The following CFAP206 variants were observed in gnomAD, a reference collection of about 807,000 sequenced individuals.
CFAP206 encodes the protein cilia- and flagella-associated protein 206.
Under a neutral mutation model 65.4 loss-of-function variants are expected in CFAP206, and 53 were observed. The ratio of observed to expected loss-of-function variants is 0.81; its 90% CI spans 0.65 to 1.02. The LOEUF (loss-of-function observed/expected upper bound fraction) is 1.02. CFAP206 is among the 50% of genes least tolerant of loss of function. The pLI is 0.00. For missense variants in CFAP206, 663 were observed against 753.2 expected (o/e 0.88, Z 1.40); for synonymous variants, 250 against 254.4 (o/e 0.98, Z 0.17).
intron 8 of CFAP206, among the ~76,000 whole-genome samples, chr6:87,427,982 C>CTTTTT (rs10693817): frequency 3.2e-5 from 3 of 93,904 alleles, no homozygotes; most frequent in East Asian, 2.9e-4. Flanking sequence ...CTCCACCCTC[C>CTTTTT]TTTTTTTTTT....
At chr6:87,444,333 A>G (rs533630640) in intron 11 of CFAP206, 4 of 216,802 alleles carry the variant, frequency 1.8e-5, no homozygotes, top group Non-Finnish European at 2.9e-5. Flanking sequence ...TATTGTTGCA[A>G]CATGCATTAG....
intron 11 of CFAP206, among the ~76,000 whole-genome samples, chr6:87,456,109 C>T (rs1252044059): frequency 6.6e-6 from 1 of 152,044 alleles, no homozygotes; most frequent in Non-Finnish European, 1.5e-5. Context: ...AAATCCTTAA[C>T]AAAATACTAA....
intron 1 of CFAP206, 75 bp downstream of exon 1, chr6:87,408,164 G>A (rs1428189016): frequency 2.5e-6 from 2 of 790,346 alleles, no homozygotes; most frequent in Non-Finnish European, 1.5e-6. Flanking sequence ...GGCGGCTGGC[G>A]GAGCTCGGGC....
At chr6:87,427,168 C>A (rs759022485) in intron 8 of CFAP206, among the ~76,000 whole-genome samples, 1 of 152,178 alleles carries the variant, frequency 6.6e-6, no homozygotes, top group Non-Finnish European at 1.5e-5. Context: ...GACGGAGTCT[C>A]GCTTTGTCGC....
chr6:87,409,241 C>T (rs67424446), intron 1 of CFAP206, among the ~76,000 whole-genome samples: 44,702 of 140,290 alleles, frequency 0.32, 6,920 homozygotes, highest in African/African-American at 0.4. Context: ...TTTTTTTTTT[C>T]CTGAGACACA....
intron 3 of CFAP206, among the ~76,000 whole-genome samples, chr6:87,412,660 A>G (rs1767755147): frequency 6.6e-6 from 1 of 151,834 alleles, no homozygotes; most frequent in South Asian, 2.1e-4. Flanking sequence ...ATTTAATTTA[A>G]TTATATTTTA....
intron 11 of CFAP206, among the ~76,000 whole-genome samples, chr6:87,442,520 A>G (rs148606366): frequency 2.0e-4 from 31 of 152,330 alleles, no homozygotes; most frequent in African/African-American, 7.5e-4. Context: ...CAACTCTAGT[A>G]TAGTATCAAA....
intron 1 of CFAP206, chr6:87,408,891 A>G (rs12529410): frequency 0.31 from 47,000 of 152,092 alleles, 7,498 homozygotes; most frequent in African/African-American, 0.39. Context: ...AATGCTGAGG[A>G]GTTGGCTTTA....
chr6:87,426,339 A>T (rs927948832), intron 7 of CFAP206, among the ~76,000 whole-genome samples, 187 bp from the exon 8 acceptor site: 1 of 152,208 alleles, frequency 6.6e-6, no homozygotes, highest in Non-Finnish European at 1.5e-5. Context: ...TCCATCTCAC[A>T]AATATCTTGG....
chr6:87,458,624 A>G (rs1768691131), intron 11 of CFAP206, among the ~76,000 whole-genome samples: 1 of 152,122 alleles, frequency 6.6e-6, no homozygotes. Context: ...ACTAATTGAA[A>G]TGGAGATAGC....
chr6:87,417,421 G>A (rs969132359), intron 6 of CFAP206, among the ~76,000 whole-genome samples: 1 of 151,986 alleles, frequency 6.6e-6, no homozygotes, highest in Admixed American at 6.6e-5. Context: ...CACTAATCTA[G>A]TATAAAAGGG....
chr6:87,430,957 T>C (rs1166427178), intron 9 of CFAP206, 76 bp from the exon 10 acceptor site: 4 of 1,353,226 alleles, frequency 3.0e-6, no homozygotes, highest in Non-Finnish European at 4.1e-6. Context: ...ATGTTTAGAA[T>C]GAGCTACTGC....
chr6:87,464,246 C>G lies in CFAP206; in HGVS notation c.1865C>G (p.Thr622Ser). 1 of 1,610,906 alleles carries G rather than the reference C, an allele frequency of 6.2e-7. No individual in the cohort carries two copies. The highest frequency in any genetic ancestry group is 1.1e-5 in the South Asian group (1 of 90,804). Residue 622 changes from threonine to serine, a missense_variant, in exon 13 of 13, where the codon ACC becomes AGC. Physicochemically the swap from Thr to Ser is moderately conservative, Grantham distance 58. Transcript: ENST00000369562. The part of the protein sequence containing the change: ...KVNLTRDVDE[T>S] ...AACTTAACTAGAGATGTGGATGAAA[C>G]CTAATTACAGACAACGTTTTAAAAT...
chr6:87,458,630 ATAGCAGAATGATGGT>A (rs1277291718), intron 11 of CFAP206, among the ~76,000 whole-genome samples: 1 of 152,072 alleles, frequency 6.6e-6, no homozygotes, highest in Non-Finnish European at 1.5e-5. Flanking sequence ...TGAAATGGAG[ATAGCAGAATGATGGT>A]TACCAGAGGG....
At chr6:87,415,311 T>C (rs978965273) in intron 4 of CFAP206, among the ~76,000 whole-genome samples, 2 of 150,176 alleles carry the variant, frequency 1.3e-5, no homozygotes, top group African/African-American at 4.9e-5. Context: ...ATATATAATA[T>C]GTATATATTT....
chr6:87,449,436 C>CAAAAAA (rs34540279), intron 11 of CFAP206, among the ~76,000 whole-genome samples: 17 of 53,018 alleles, frequency 3.2e-4, no homozygotes, highest in African/African-American at 1.0e-3. Flanking sequence ...GACTCCATCT[C>CAAAAAA]AAAAAAAAAA....
At chr6:87,441,332 T>C (rs1188761220) in intron 11 of CFAP206, 4 of 155,796 alleles carry the variant, frequency 2.6e-5, no homozygotes, top group Non-Finnish European at 5.7e-5. Context: ...TGGTAAAAAC[T>C]TTTCCTGCAT....
At chr6:87,463,940 A>G in intron 12 of CFAP206, 80 bp from the exon 13 acceptor site, 1 of 1,096,548 alleles carries the variant, frequency 9.1e-7, no homozygotes, top group Non-Finnish European at 1.3e-6. Flanking sequence ...AAATAGGCAG[A>G]TATTAACTGG....
intron 11 of CFAP206, among the ~76,000 whole-genome samples, chr6:87,455,938 G>C (rs1374897588): frequency 6.6e-6 from 1 of 152,118 alleles, no homozygotes; most frequent in African/African-American, 2.4e-5. Flanking sequence ...TTTAAAGAAG[G>C]ATGAATATCA....
Sources: allele counts gnomAD v4.1 joint callset (sites outside exome capture counted in the v4.1 genomes callset), GRCh38; gene constraint gnomAD v4.1.1; transcripts MANE v1.5; gene names NCBI Gene and HGNC (gene_info 2026-07-23, HGNC 2026-07-21).